Variants in FIP1L1 observed in about 807,000 individuals in gnomAD.
The protein encoded by FIP1L1 is pre-mRNA 3'-end-processing factor FIP1.
Under a neutral mutation model 84.6 loss-of-function variants are expected in FIP1L1, and 21 were observed. That is an observed-to-expected ratio of 0.25 (90% CI 0.18 to 0.36). The LOEUF is 0.36. FIP1L1 is among the 10% of genes least tolerant of loss of function. The pLI is 1.00. For synonymous variants in FIP1L1, 263 were observed against 242.3 expected, an observed-to-expected ratio of 1.09 and a Z score of -0.80; for missense variants, 526 against 751.1, an observed-to-expected ratio of 0.70 and a Z score of 3.50.
chr4:53,433,493 T>C (rs1578888315), intron 13 of FIP1L1, among the ~76,000 whole-genome samples: 1 of 122,882 alleles, frequency 8.1e-6, no homozygotes. Flanking sequence ...TTAATTTACT[T>C]CAGTGTCATC....
intron 12 of FIP1L1, among the ~76,000 whole-genome samples, chr4:53,427,088 C>A (rs936469721): frequency 1.3e-5 from 2 of 151,964 alleles, no homozygotes; most frequent in Non-Finnish European, 2.9e-5. Flanking sequence ...TTTTCCTTTC[C>A]CCTTACCATT....
At chr4:53,443,510 T>C (rs753098319) in intron 14 of FIP1L1, among the ~76,000 whole-genome samples, 28 of 152,050 alleles carry the variant, frequency 1.8e-4, no homozygotes, top group Non-Finnish European at 4.0e-4. Flanking sequence ...AAAGGCAAAA[T>C]ATGTGAGAAC....
At chr4:53,442,098 A>G (rs1413853460) in intron 13 of FIP1L1, among the ~76,000 whole-genome samples, 2 of 151,980 alleles carry the variant, frequency 1.3e-5, no homozygotes, top group African/African-American at 4.8e-5. Flanking sequence ...TACACAAACT[A>G]TATTATGTGC....
chr4:53,388,270 C>A (rs1166660637), intron 5 of FIP1L1, among the ~76,000 whole-genome samples: 2 of 151,852 alleles, frequency 1.3e-5, no homozygotes, highest in East Asian at 3.9e-4. Context: ...GAGAAAAGAA[C>A]CAAATATATA....
intron 3 of FIP1L1, among the ~76,000 whole-genome samples, chr4:53,381,243 C>T (rs183480681): frequency 1.3e-5 from 2 of 152,270 alleles, no homozygotes; most frequent in Non-Finnish European, 2.9e-5. Flanking sequence ...TCTGCCAGAC[C>T]TACTGCTATC....
At chr4:53,389,720 T>C (rs3762879) in intron 5 of FIP1L1, 89 bp from the exon 6 acceptor site, 67,388 of 958,504 alleles carry the variant, frequency 0.07, 5,336 homozygotes, top group South Asian at 0.27. Flanking sequence ...TATGTGATTG[T>C]ATAATTTGTT....
At chr4:53,407,686 G>C (rs1560520144) in intron 10 of FIP1L1, among the ~76,000 whole-genome samples, 1 of 151,844 alleles carries the variant, frequency 6.6e-6, no homozygotes, top group Admixed American at 6.6e-5. Context: ...TATGATTCTG[G>C]GTGCATATAT....
At chr4:53,436,134 T>C (rs1405926186) in intron 13 of FIP1L1, among the ~76,000 whole-genome samples, 9 of 152,204 alleles carry the variant, frequency 5.9e-5, no homozygotes, top group East Asian at 1.9e-4. Flanking sequence ...AGAGAAAAGA[T>C]AGATGGTTAT....
chr4:53,417,655 A>AG (rs1220047300), intron 11 of FIP1L1, among the ~76,000 whole-genome samples: 7 of 150,248 alleles, frequency 4.7e-5, no homozygotes. Context: ...AAAAAAAAAA[A>AG]AAAAAAAAAA....
intron 13 of FIP1L1, chr4:53,440,431 T>G (rs576473715): frequency 2.0e-5 from 11 of 549,526 alleles, no homozygotes; most frequent in Middle Eastern, 5.1e-4. Context: ...TTGTTAGTCC[T>G]CTACGAGAAA....
chr4:53,453,730 G>A (rs1283225232), intron 16 of FIP1L1, among the ~76,000 whole-genome samples: 1 of 152,156 alleles, frequency 6.6e-6, no homozygotes, highest in Non-Finnish European at 1.5e-5. Context: ...CTCTCAAGTA[G>A]CTAAGACTAC....
intron 13 of FIP1L1, among the ~76,000 whole-genome samples, chr4:53,428,567 C>G (rs770484997): frequency 6.6e-6 from 1 of 151,072 alleles, no homozygotes; most frequent in African/African-American, 2.4e-5. Flanking sequence ...TTATATCTTG[C>G]GAAGAGATTG....
chr4:53,405,811 T>A (rs1418769713), intron 10 of FIP1L1, among the ~76,000 whole-genome samples: 1 of 151,168 alleles, frequency 6.6e-6, no homozygotes, highest in Admixed American at 6.6e-5. Context: ...TCTCTGTTTG[T>A]CTGTTATTGG....
intron 15 of FIP1L1, among the ~76,000 whole-genome samples, chr4:53,451,359 A>G (rs1715826040): frequency 7.2e-6 from 1 of 138,286 alleles, no homozygotes; most frequent in Admixed American, 7.2e-5. Context: ...TATGTTGTTT[A>G]TATTCAGGTT....
intron 10 of FIP1L1, among the ~76,000 whole-genome samples, chr4:53,404,423 TG>T (rs1752055642): frequency 6.6e-6 from 1 of 152,144 alleles, no homozygotes; most frequent in Non-Finnish European, 1.5e-5. Context: ...GTTGGACATT[TG>T]GGTTGGTTCC....
chr4:53,430,967 C>T (rs1211566620), intron 13 of FIP1L1, among the ~76,000 whole-genome samples: 1 of 152,116 alleles, frequency 6.6e-6, no homozygotes, highest in Non-Finnish European at 1.5e-5. Context: ...AGTTGAGACT[C>T]TCTGAATTGC....
intron 9 of FIP1L1, among the ~76,000 whole-genome samples, chr4:53,395,669 A>G (rs980636129): frequency 2.0e-5 from 3 of 152,220 alleles, no homozygotes; most frequent in Admixed American, 1.3e-4. Context: ...ACAAATACTT[A>G]TTGAGTACTT....
intron 10 of FIP1L1, among the ~76,000 whole-genome samples, chr4:53,405,997 T>A (rs1417640733): frequency 2.0e-5 from 3 of 151,960 alleles, no homozygotes; most frequent in Non-Finnish European, 4.4e-5. Flanking sequence ...GAATACCCTT[T>A]ATTTCCTTCT....
intron 13 of FIP1L1, among the ~76,000 whole-genome samples, chr4:53,428,701 A>G (rs1171105708): frequency 6.6e-6 from 1 of 152,170 alleles, no homozygotes; most frequent in Non-Finnish European, 1.5e-5. Flanking sequence ...GCTACTTTTG[A>G]TTACAATTAA....
Sources: allele counts gnomAD v4.1 joint callset (sites outside exome capture counted in the v4.1 genomes callset), GRCh38; gene constraint gnomAD v4.1.1; transcripts MANE v1.5; gene names NCBI Gene and HGNC (gene_info 2026-07-23, HGNC 2026-07-21).